LDB2: variants seen among roughly 807,000 people sequenced by gnomAD.
LDB2 encodes LIM domain-binding protein 2.
Under a neutral mutation model 44.3 loss-of-function variants are expected in LDB2, and 12 were observed. The observed-to-expected ratio is 0.27, with a 90% CI of 0.17 to 0.44. The LOEUF is 0.44. Among genes scored for constraint, LDB2 ranks in the 20% least tolerant of loss-of-function variants. The pLI is 1.00. For missense variants in LDB2, 344 were observed against 473.5 expected (o/e 0.73, Z 2.54); for synonymous variants, 164 against 174.8 (o/e 0.94, Z 0.49).
chr4:16,781,832 T>C (rs2109469952), intron 1 of LDB2, among the ~76,000 whole-genome samples: 1 of 152,138 alleles, frequency 6.6e-6, no homozygotes, highest in Non-Finnish European at 1.5e-5. Context: ...GTCCTTAAAA[T>C]AAGAAGCAGA....
intron 2 of LDB2, among the ~76,000 whole-genome samples, chr4:16,733,203 T>C (rs1283280129): frequency 6.6e-6 from 1 of 152,132 alleles, no homozygotes; most frequent in Non-Finnish European, 1.5e-5. Context: ...TACCTCTAAT[T>C]ATAATGCAAG....
At chr4:16,684,141 G>A (rs1478724855) in intron 2 of LDB2, among the ~76,000 whole-genome samples, 3 of 152,222 alleles carry the variant, frequency 2.0e-5, no homozygotes, top group African/African-American at 7.2e-5. Context: ...CACAGTTAAT[G>A]TGATGGGCTC....
At chr4:16,858,213 G>A (rs1240331791) in intron 1 of LDB2, among the ~76,000 whole-genome samples, 1 of 152,178 alleles carries the variant, frequency 6.6e-6, no homozygotes, top group Non-Finnish European at 1.5e-5. Context: ...GAAAGGATGA[G>A]TCACTTCCCA....
intron 5 of LDB2, among the ~76,000 whole-genome samples, chr4:16,580,460 A>G (rs1713923431): frequency 6.6e-6 from 1 of 152,222 alleles, no homozygotes. Context: ...GAGACTGACA[A>G]TATGAACTGG....
chr4:16,670,821 G>A (rs749150383), intron 2 of LDB2, among the ~76,000 whole-genome samples: 1 of 152,212 alleles, frequency 6.6e-6, no homozygotes, highest in Non-Finnish European at 1.5e-5. Context: ...GGCTTGACAT[G>A]TAATAAGGGG....
chr4:16,888,183 G>A (rs1580509027), intron 1 of LDB2, among the ~76,000 whole-genome samples: 1 of 152,284 alleles, frequency 6.6e-6, no homozygotes, highest in African/African-American at 2.4e-5. Context: ...TAGAAGAAAT[G>A]GCCAGTCAAG....
intron 5 of LDB2, among the ~76,000 whole-genome samples, chr4:16,580,490 A>C (rs374114422): frequency 6.6e-6 from 1 of 152,338 alleles, no homozygotes; most frequent in East Asian, 1.9e-4. Flanking sequence ...TACTTGTAAC[A>C]GTATCTTAAA....
intron 2 of LDB2, among the ~76,000 whole-genome samples, chr4:16,751,429 T>C (rs1262962801): frequency 2.0e-5 from 3 of 152,204 alleles, no homozygotes; most frequent in African/African-American, 7.2e-5. Flanking sequence ...GAGAATGGAA[T>C]GTCTGTTCAA....
At chr4:16,627,493 A>G (rs746491079) in intron 2 of LDB2, among the ~76,000 whole-genome samples, 8 of 152,170 alleles carry the variant, frequency 5.3e-5, no homozygotes, top group African/African-American at 1.7e-4. Context: ...TATCATCATC[A>G]TCGTCATCAT....
intron 2 of LDB2, among the ~76,000 whole-genome samples, chr4:16,748,788 T>C (rs1482899577): frequency 6.6e-6 from 1 of 152,240 alleles, no homozygotes. Context: ...TAAAAAATAG[T>C]AATAATGTAG....
At chr4:16,554,309 C>G (rs1009741165) in intron 5 of LDB2, among the ~76,000 whole-genome samples, 1 of 152,156 alleles carries the variant, frequency 6.6e-6, no homozygotes, top group East Asian at 1.9e-4. Context: ...CTCGGCCCCC[C>G]AAAGTGCTGG....
intron 2 of LDB2, among the ~76,000 whole-genome samples, chr4:16,719,953 A>T (rs1309926802): frequency 6.6e-6 from 1 of 152,150 alleles, no homozygotes; most frequent in African/African-American, 2.4e-5. Context: ...CCAGATACAG[A>T]TTCTAGAGAT....
At chr4:16,532,358 AAT>A (rs1450258367) in intron 5 of LDB2, among the ~76,000 whole-genome samples, 2 of 152,208 alleles carry the variant, frequency 1.3e-5, no homozygotes, top group Non-Finnish European at 2.9e-5. Flanking sequence ...AGCATTAATA[AAT>A]AGACAAGAAG....
At chr4:16,818,123 C>T (rs1225918324) in intron 1 of LDB2, among the ~76,000 whole-genome samples, 1 of 152,038 alleles carries the variant, frequency 6.6e-6, no homozygotes, top group Admixed American at 6.6e-5. Context: ...CATGCCTGGC[C>T]CCTCAAAGGG....
At chr4:16,718,078 T>TA (rs1484454484) in intron 2 of LDB2, among the ~76,000 whole-genome samples, 12 of 152,240 alleles carry the variant, frequency 7.9e-5, no homozygotes, top group Admixed American at 6.5e-4. Flanking sequence ...CCATGTACAT[T>TA]AAAAATGCAT....
At chr4:16,554,993 G>A (rs777657670) in intron 5 of LDB2, among the ~76,000 whole-genome samples, 8 of 152,196 alleles carry the variant, frequency 5.3e-5, no homozygotes, top group Non-Finnish European at 8.8e-5. Context: ...GATGCTGATA[G>A]GGAGAGAGGC....
intron 7 of LDB2, 100 bp downstream of exon 7, chr4:16,508,435 A>C: frequency 2.9e-5 from 24 of 841,448 alleles, no homozygotes; most frequent in Non-Finnish European, 3.4e-5. Context: ...CCTGCCCAGG[A>C]TTTTTTTTTT....
chr4:16,559,139 G>C (rs1232877038), intron 5 of LDB2, among the ~76,000 whole-genome samples: 1 of 152,162 alleles, frequency 6.6e-6, no homozygotes, highest in Non-Finnish European at 1.5e-5. Flanking sequence ...ATCAAGGCTA[G>C]GAAGAAACTG....
In LDB2 at chr4:16,898,330, C is replaced by T. The variant is rs190397081; in HGVS notation, c.132+24G>A. ...ATAGCTTAACAAAAATACACAAACA[C>T]ATCCCCAAGGTTGAAGTACTTACCT... On this transcript the variant is annotated intron_variant, in intron 1 of 7. Transcript: ENST00000304523. 156 of 1,605,244 alleles carry T rather than the reference C, an allele frequency of 9.7e-5. No homozygotes were observed. The African/African-American group carries it at 1.9e-3, about 19-fold the overall frequency.
Sources: allele counts gnomAD v4.1 joint callset (sites outside exome capture counted in the v4.1 genomes callset), GRCh38; gene constraint gnomAD v4.1.1; transcripts MANE v1.5; gene names NCBI Gene and HGNC (gene_info 2026-07-23, HGNC 2026-07-21).